Variants in TASP1 observed in about 807,000 individuals in gnomAD.
TASP1 encodes the protein threonine aspartase 1.
Under a neutral mutation model 56.6 loss-of-function variants are expected in TASP1, and 16 were observed. That is an observed-to-expected ratio of 0.28 (90% CI 0.19 to 0.43). The LOEUF is 0.43. TASP1 is among the 20% of genes least tolerant of loss of function. The pLI, the probability that TASP1 is intolerant of heterozygous loss-of-function variation, is 1.00. For synonymous variants in TASP1, 179 were observed against 184.2 expected, an observed-to-expected ratio of 0.97 and a Z score of 0.23; for missense variants, 393 against 511.6, an observed-to-expected ratio of 0.77 and a Z score of 2.24.
intron 10 of TASP1, among the ~76,000 whole-genome samples, chr20:13,485,944 A>G (rs2043305735): frequency 6.6e-6 from 1 of 152,232 alleles, no homozygotes; most frequent in South Asian, 2.1e-4. Flanking sequence ...CATGAAAACT[A>G]CACAATGTAT....
At chr20:13,201,025 A>G in the TASP1 span, among the ~76,000 whole-genome samples, 5 of 152,224 alleles carry the variant, frequency 3.3e-5, no homozygotes, top group Non-Finnish European at 7.3e-5. Context: ...CATAGTTGTG[A>G]ACAAAACTGA....
chr20:13,373,816 T>C, the TASP1 span, among the ~76,000 whole-genome samples: 4 of 152,170 alleles, frequency 2.6e-5, no homozygotes, highest in African/African-American at 9.6e-5. Context: ...CAGCTGCTAT[T>C]TCTTCAAATA....
the TASP1 span, among the ~76,000 whole-genome samples, chr20:13,272,119 A>G: frequency 6.6e-6 from 1 of 152,108 alleles, no homozygotes; most frequent in Non-Finnish European, 1.5e-5. Flanking sequence ...CTATTTGTAT[A>G]GGTGCACCTT....
the TASP1 span, among the ~76,000 whole-genome samples, chr20:13,309,159 C>T: frequency 5.0e-4 from 76 of 152,036 alleles, 1 homozygote; most frequent in African/African-American, 1.8e-3. Flanking sequence ...CACCAACATA[C>T]ATAATAAAAA....
chr20:13,631,037 G>C (rs907225362), intron 1 of TASP1, among the ~76,000 whole-genome samples: 1 of 152,018 alleles, frequency 6.6e-6, no homozygotes, highest in African/African-American at 2.4e-5. Flanking sequence ...TATTTGGGGA[G>C]TTTTTTATTT....
At chr20:13,321,291 TA>T in the TASP1 span, among the ~76,000 whole-genome samples, 1 of 72,402 alleles carries the variant, frequency 1.4e-5, no homozygotes, top group Non-Finnish European at 2.9e-5. Context: ...TTATGACAAA[TA>T]AAGAAGATGC....
At chr20:13,147,507 T>A in the TASP1 span, among the ~76,000 whole-genome samples, 2 of 152,116 alleles carry the variant, frequency 1.3e-5, no homozygotes, top group South Asian at 4.1e-4. Flanking sequence ...TCTCTCCCCA[T>A]CACCCTCTGC....
the TASP1 span, among the ~76,000 whole-genome samples, chr20:13,374,462 C>T: frequency 2.0e-5 from 3 of 152,038 alleles, no homozygotes; most frequent in Admixed American, 2.0e-4. Flanking sequence ...CATTCTCCTG[C>T]CTCAGCCTCC....
chr20:13,377,068 C>A, the TASP1 span, among the ~76,000 whole-genome samples: 1 of 152,172 alleles, frequency 6.6e-6, no homozygotes, highest in Non-Finnish European at 1.5e-5. Flanking sequence ...CCCTTTATTT[C>A]TTTCTCTTGT....
the TASP1 span, among the ~76,000 whole-genome samples, chr20:13,152,133 T>C: frequency 1.3e-5 from 2 of 152,342 alleles, no homozygotes; most frequent in Admixed American, 6.5e-5. Context: ...TCTAGGATTC[T>C]AGAATCCAAT....
intron 13 of TASP1, among the ~76,000 whole-genome samples, chr20:13,412,481 T>C (rs913482951): frequency 1.3e-5 from 2 of 152,154 alleles, no homozygotes; most frequent in Non-Finnish European, 2.9e-5. Context: ...TAGTTGGGAG[T>C]AGAAGCAACA....
intron 13 of TASP1, among the ~76,000 whole-genome samples, chr20:13,392,171 T>C (rs1568737877): frequency 6.6e-6 from 1 of 151,968 alleles, no homozygotes; most frequent in African/African-American, 2.4e-5. Flanking sequence ...AATATTTAAA[T>C]AGCAATGCAT....
chr20:13,626,899 A>G (rs2147558954), intron 2 of TASP1, among the ~76,000 whole-genome samples: 1 of 134,940 alleles, frequency 7.4e-6, no homozygotes, highest in Admixed American at 7.5e-5. Flanking sequence ...GTCTCAGCAG[A>G]GCCCCCCCCC....
chr20:13,449,716 A>G (rs2043545522), intron 11 of TASP1, among the ~76,000 whole-genome samples: 1 of 152,128 alleles, frequency 6.6e-6, no homozygotes, highest in African/African-American at 2.4e-5. Flanking sequence ...ACATAATTAT[A>G]AATGCATACT....
chr20:13,435,248 A>T lies in TASP1; in HGVS notation c.986-94T>A, dbSNP rs1007097105. On this transcript the variant is annotated intron_variant, in intron 11 of 13. Transcript: ENST00000337743. ...TTATTAGAACAAAAATGTGGCATGAATAAGAAAATGCCCATTTTCTGATAA... is the reference window on the plus strand; with the variant it reads ...TTATTAGAACAAAAATGTGGCATGATTAAGAAAATGCCCATTTTCTGATAA... 1.1e-5 allele frequency: 10 copies of T among 901,222 alleles called. No individual in the cohort carries two copies. In the Admixed American group the frequency reaches 1.2e-4, roughly 11 times the overall value. The allele number at this position is 901,222 out of a possible 1,614,324, so 55.8% of individuals were successfully genotyped here.
At chr20:13,634,973 A>T (rs2049244528) in intron 1 of TASP1, among the ~76,000 whole-genome samples, 1 of 152,182 alleles carries the variant, frequency 6.6e-6, no homozygotes, top group South Asian at 2.1e-4. Flanking sequence ...GGTTGCAGTG[A>T]GCAGAGACCG....
At chr20:13,125,950 G>A in the TASP1 span, among the ~76,000 whole-genome samples, 1 of 152,186 alleles carries the variant, frequency 6.6e-6, no homozygotes, top group African/African-American at 2.4e-5. Context: ...TGTAAACACT[G>A]CTATACATGC....
the TASP1 span, among the ~76,000 whole-genome samples, chr20:13,135,917 C>T: frequency 2.6e-5 from 4 of 152,158 alleles, no homozygotes; most frequent in Non-Finnish European, 5.9e-5. Flanking sequence ...TTTTGTATCA[C>T]ATGGATGAAA....
chr20:13,362,808 A>AATATATATATATATATATATATTATATAT, the TASP1 span, among the ~76,000 whole-genome samples: 2 of 114,776 alleles, frequency 1.7e-5, no homozygotes, highest in African/African-American at 6.3e-5. Flanking sequence ...AATAGCAAGA[A>AATATATATATATATATATATATTATATAT]ATATATATAT....
Sources: gnomAD v4.1 joint callset for allele counts (sites outside exome capture counted in the v4.1 genomes callset) on GRCh38, gnomAD v4.1.1 for gene constraint, MANE v1.5 for transcripts, NCBI Gene and HGNC (gene_info 2026-07-23, HGNC 2026-07-21) for gene names.